The following ZSCAN25 variants were observed in gnomAD, a reference collection of about 807,000 sequenced individuals.
The protein encoded by ZSCAN25 is zinc finger and SCAN domain-containing protein 25.
In ZSCAN25, 27 loss-of-function variants were observed where a neutral mutation model predicts 38.7. The ratio of observed to expected loss-of-function variants is 0.70; its 90% CI spans 0.51 to 0.96. The LOEUF (loss-of-function observed/expected upper bound fraction) is 0.96. Ranked by LOEUF, ZSCAN25 falls within the 40% of genes least tolerant of loss-of-function variation. ZSCAN25 has a pLI of 0.00. For missense variants in ZSCAN25, 637 were observed against 705.9 expected (o/e 0.90, Z 1.11); for synonymous variants, 273 against 277.7 (o/e 0.98, Z 0.17).
chr7:99,693,754 A>AG, the ZSCAN25 span, among the ~76,000 whole-genome samples: 1 of 152,216 alleles, frequency 6.6e-6, no homozygotes, highest in Non-Finnish European at 1.5e-5. Flanking sequence ...CCTGTTGCTA[A>AG]GACTCAGTTG....
At chr7:99,665,208 ACTT>A in the ZSCAN25 span, 1 of 1,613,900 alleles carries the variant, frequency 6.2e-7, no homozygotes, top group East Asian at 2.2e-5. Context: ...AATTTTAGGA[ACTT>A]CTTAGTGCTC....
chr7:99,736,297 A>G, the ZSCAN25 span, among the ~76,000 whole-genome samples: 1 of 152,336 alleles, frequency 6.6e-6, no homozygotes, highest in Admixed American at 6.5e-5. Flanking sequence ...GGCAGTGGTC[A>G]CTGCAGGTCA....
At chr7:99,663,889 G>A in the ZSCAN25 span, 10 of 1,475,298 alleles carry the variant, frequency 6.8e-6, no homozygotes, top group Non-Finnish European at 8.0e-6. Flanking sequence ...TAAAAATACA[G>A]ATACATGCTC....
At chr7:99,724,793 ATCAG>A in the ZSCAN25 span, among the ~76,000 whole-genome samples, 1 of 152,272 alleles carries the variant, frequency 6.6e-6, no homozygotes, top group Admixed American at 6.5e-5. Flanking sequence ...CCTCTCCCAG[ATCAG>A]TCAGCGTTTA....
chr7:99,717,210 T>G, the ZSCAN25 span: 2 of 1,613,850 alleles, frequency 1.2e-6, no homozygotes, highest in Non-Finnish European at 1.7e-6. Context: ...TGTCTCTGCT[T>G]CCCGCCTCAG....
chr7:99,715,113 T>C, the ZSCAN25 span, among the ~76,000 whole-genome samples: 4 of 152,178 alleles, frequency 2.6e-5, no homozygotes, highest in East Asian at 7.7e-4. Context: ...GTAACGAAAA[T>C]TGGGAAACTC....
chr7:99,665,066 G>A, the ZSCAN25 span: 252 of 1,077,338 alleles, frequency 2.3e-4, no homozygotes, highest in African/African-American at 3.5e-3. Context: ...AAAAACAATG[G>A]AATTGTACCT....
the ZSCAN25 span, among the ~76,000 whole-genome samples, chr7:99,643,998 T>G: frequency 5.2e-4 from 79 of 152,096 alleles, 1 homozygote; most frequent in African/African-American, 1.8e-3. Flanking sequence ...AAGCACACAC[T>G]TAATTCTTTT....
chr7:99,630,137 A>G lies in ZSCAN25; in HGVS notation c.*117A>G. 2.1e-6 allele frequency: 3 copies of G among 1,426,004 alleles called. No homozygotes were observed. Among genetic ancestry groups the G allele is most frequent in the East Asian group, 2.5e-5 (1 of 39,410 alleles). The allele number at this position is 1,426,004 out of a possible 1,614,324, so 88.3% of individuals were successfully genotyped here. On this transcript the variant is annotated 3_prime_UTR_variant, in exon 8 of 8. Transcript: ENST00000394152. ...CCATCGCCTTCCCACCCATTCGCCA[A>G]CGCGGGAAAGGCAAGGCCTGGCTTA... is the stretch of plus-strand genomic sequence containing the variant.
chr7:99,631,855 G>C lies in ZSCAN25; in HGVS notation c.*1835G>C. On this transcript the variant is annotated 3_prime_UTR_variant, in exon 8 of 8. Transcript: ENST00000394152. ...GAGATGTCCACACGGGGCTGCTGCT[G>C]CTCCTCTGTAATACTGAGGTCCACA... 1 of 985,440 alleles carries C rather than the reference G, an allele frequency of 1.0e-6. No homozygotes were observed. Among genetic ancestry groups the C allele is most frequent in the Non-Finnish European group, 1.2e-6 (1 of 829,968 alleles). The allele number at this position is 985,440 out of a possible 1,614,324, so 61.0% of individuals were successfully genotyped here.
the ZSCAN25 span, chr7:99,714,798 C>T: frequency 2.0e-6 from 3 of 1,513,226 alleles, no homozygotes; most frequent in African/African-American, 4.2e-5. Flanking sequence ...GTGTTCTCAA[C>T]TGGAAGCCAT....
the ZSCAN25 span, chr7:99,705,321 A>G: frequency 2.9e-6 from 2 of 682,854 alleles, no homozygotes; most frequent in Admixed American, 2.7e-5. Context: ...ATTACCAAGT[A>G]TAACACTCTA....
At chr7:99,624,026 C>T in intron 6 of ZSCAN25, 31 bp from the exon 7 acceptor site, 1 of 1,613,968 alleles carries the variant, frequency 6.2e-7, no homozygotes. Context: ...AGGATTCTTT[C>T]TTTATTCATA....
Position 99,632,027 on chromosome 7 carries a change from C to T in ZSCAN25, c.*2007C>T, listed in dbSNP as rs142604702. On this transcript the variant is annotated 3_prime_UTR_variant, in exon 8 of 8. Transcript: ENST00000394152. Reference sequence around the variant, plus strand: ...AGGCAGGTGGGGACTGGGGAGGCCTCGGGGGGCTGCTTGTCATTACCTGAA... The same window carrying T: ...AGGCAGGTGGGGACTGGGGAGGCCTTGGGGGGCTGCTTGTCATTACCTGAA... The T allele has an allele frequency of 4.3e-4, 419 of 985,366 alleles. No individual in the cohort carries two copies. The African/African-American group carries it at 6.3e-3, about 15-fold the overall frequency. The allele number at this position is 985,366 out of a possible 1,614,324, so 61.0% of individuals were successfully genotyped here.
At chr7:99,675,645 C>CCCACTCCTCT in the ZSCAN25 span, among the ~76,000 whole-genome samples, 1 of 246 alleles carries the variant, frequency 4.1e-3, no homozygotes, top group Non-Finnish European at 0.011. Flanking sequence ...TCCTCTCCTC[C>CCCACTCCTCT]CCCCTCCCCT....
the ZSCAN25 span, chr7:99,648,235 C>G: frequency 6.4e-7 from 1 of 1,562,274 alleles, no homozygotes; most frequent in Admixed American, 1.9e-5. Flanking sequence ...GTTTTATTGA[C>G]TAAGTTGAAA....
At chr7:99,635,777 G>A (rs1370463946), downstream of ZSCAN25, among the ~76,000 whole-genome samples, 1 of 152,216 alleles carries the variant, frequency 6.6e-6, no homozygotes, top group East Asian at 1.9e-4. Flanking sequence ...GCTGGGCGCG[G>A]TGGCTCATGC....
chr7:99,638,120 C>T, the ZSCAN25 span: 1 of 989,054 alleles, frequency 1.0e-6, no homozygotes, highest in Non-Finnish European at 1.4e-6. Context: ...AACTGTAGAA[C>T]AGTAACTCCA....
At chr7:99,708,969 T>TAGATTA in the ZSCAN25 span, 7 of 1,562,282 alleles carry the variant, frequency 4.5e-6, no homozygotes, top group South Asian at 1.1e-5. Context: ...GACTGTCCTG[T>TAGATTA]AGAGAGGCAG....
Sources: gnomAD v4.1 joint callset for allele counts (sites outside exome capture counted in the v4.1 genomes callset) on GRCh38, gnomAD v4.1.1 for gene constraint, MANE v1.5 for transcripts, NCBI Gene and HGNC (gene_info 2026-07-23, HGNC 2026-07-21) for gene names.